Variants in CROCC observed in about 807,000 individuals in gnomAD.
The protein encoded by CROCC is ciliary rootlet coiled-coil, rootletin.
Under a neutral mutation model 245.2 loss-of-function variants are expected in CROCC, and 180 were observed. The ratio of observed to expected loss-of-function variants is 0.73; its 90% CI spans 0.65 to 0.83. The LOEUF (loss-of-function observed/expected upper bound fraction) is 0.83, where lower values mean the gene tolerates loss of function less well. CROCC is among the 40% of genes least tolerant of loss of function. The pLI is 0.00. For missense variants in CROCC, 2,688 were observed against 2,779.4 expected, an observed-to-expected ratio of 0.97 and a Z score of 0.74; for synonymous variants, 1,205 against 1,241.6, an observed-to-expected ratio of 0.97 and a Z score of 0.62.
chr1:16,933,548 C>T (rs1188707068), intron 8 of CROCC, among the ~76,000 whole-genome samples: 7 of 152,358 alleles, frequency 4.6e-5, no homozygotes, highest in East Asian at 3.9e-4. Flanking sequence ...ATTTACAAAA[C>T]GTAAATGTTT....
intron 13 of CROCC, among the ~76,000 whole-genome samples, chr1:16,943,299 A>G (rs1299282689): frequency 1.3e-5 from 2 of 152,046 alleles, no homozygotes; most frequent in East Asian, 3.9e-4. Context: ...GCACTTTGGG[A>G]GGCCGAGGCG....
Position 16,965,854 on chromosome 1 carries a change from G to A in CROCC, c.4537G>A (p.Glu1513Lys). 6.2e-7 allele frequency: 1 copy of A among 1,613,632 alleles called. No individual in the cohort carries two copies. The change falls in exon 28 of 37, where the codon GAA (glutamate) becomes AAA (lysine). Residue 1513 changes from glutamate to lysine, a missense_variant. By Grantham distance (56) the Glu-to-Lys change is moderately conservative. Coordinates refer to ENST00000375541, the MANE Select transcript of CROCC (RefSeq NM_014675.5). ...GGAGGCAGTGCGCGGGGCCCTCCGG[G>A]AATTCCTGCAAGAGCTGCGGAGTGC... is the stretch of plus-strand genomic sequence containing the variant. ...DPEAVRGALREFLQELRSAQR... is the reference protein window; with the variant it reads ...DPEAVRGALRKFLQELRSAQR...
chr1:16,927,133 C>T (rs1459010352), intron 3 of CROCC, among the ~76,000 whole-genome samples: 1 of 152,360 alleles, frequency 6.6e-6, no homozygotes, highest in South Asian at 2.1e-4. Flanking sequence ...ACAAAACATT[C>T]CACAAACAAC....
rs1267935406 is a variant in CROCC at position 16,940,220 on chromosome 1, GTTTA to G, written c.1808+143_1808+146del. 8.5e-5 allele frequency: 91 copies of G among 1,074,462 alleles called. No individual in the cohort carries two copies. The Middle Eastern group carries it at 9.0e-4, about 11-fold the overall frequency. The allele number at this position is 1,074,462 out of a possible 1,614,324, so 66.6% of individuals were successfully genotyped here. A position where few individuals can be genotyped will look rare whatever the true frequency, so the allele number is the denominator to read the frequency against. ...CCACTAGCTGCATGTGCCTATTAAC[GTTTA>G]TTTATTTATTTATTTTTAAAATGGA... On this transcript the variant is annotated intron_variant, in intron 13 of 36. Transcript: ENST00000375541.
rs750030366 is a variant in CROCC, at chr1:16,954,892, C to A, written c.3465+15C>A. The A allele has an allele frequency of 2.0e-6, 3 of 1,515,008 alleles. No homozygotes were observed. Among genetic ancestry groups the A allele is most frequent in the South Asian group, 1.2e-5 (1 of 81,206 alleles). The allele number at this position is 1,515,008 out of a possible 1,614,324, so 93.8% of individuals were successfully genotyped here. A position where few individuals can be genotyped will look rare whatever the true frequency, so the allele number is the denominator to read the frequency against. ...GTCTTCGCGAGGTGAGCAGCCGCCC[C>A]CCTCTTCCAAGCAGCATACCCTAAA... On this transcript the variant is annotated intron_variant, in intron 23 of 36. Transcript: ENST00000375541. This position sits in a 1 kb window ranked among gnomAD's most constrained non-coding sequence, Gnocchi z 4.4.
At chr1:16,919,945 G>A (rs1341947287), upstream of CROCC, among the ~76,000 whole-genome samples, 1 of 152,258 alleles carries the variant, frequency 6.6e-6, no homozygotes, top group Non-Finnish European at 1.5e-5. Context: ...AGGCTGGAGT[G>A]CTGTGGCACA....
chr1:16,949,021 A>T, intron 19 of CROCC, 95 bp downstream of exon 19: 2 of 1,504,456 alleles, frequency 1.3e-6, no homozygotes, highest in East Asian at 4.6e-5. Flanking sequence ...GGAGCACTGG[A>T]GTAGGAGTCT....
upstream of CROCC, among the ~76,000 whole-genome samples, chr1:16,921,555 C>T (rs1399970272): frequency 4.6e-5 from 7 of 152,284 alleles, no homozygotes; most frequent in African/African-American, 7.2e-5. Context: ...ATGTGACTCC[C>T]GTTCTGGGCC....
chr1:16,954,922 A>C lies in CROCC; in HGVS notation c.3465+45A>C. The C allele has an allele frequency of 6.8e-7, 1 of 1,473,814 alleles. No homozygotes were observed. The highest frequency in any genetic ancestry group is 1.4e-5 in the African/African-American group (1 of 71,012). The allele number at this position is 1,473,814 out of a possible 1,614,324, so 91.3% of individuals were successfully genotyped here. ...TTCCAAGCAGCATACCCTAAATGGC[A>C]CTGTGTGCCTGGGGGCCTAGTTCCC... On this transcript the variant is annotated intron_variant, in intron 23 of 36. Coordinates refer to ENST00000375541, the MANE Select transcript of CROCC (RefSeq NM_014675.5). This position sits in a 1 kb window ranked among gnomAD's most constrained non-coding sequence, Gnocchi z 4.4.
At position 16,971,532 on chromosome 1, in the gene CROCC, A is replaced by AGCT; in HGVS notation, c.5854_5856dup (p.Leu1952dup). 1 of 1,536,980 alleles carries AGCT rather than the reference A, an allele frequency of 6.5e-7. No homozygotes were observed. Among genetic ancestry groups the AGCT allele is most frequent in the Non-Finnish European group, 8.7e-7 (1 of 1,146,302 alleles). ...CTGGAGGTGGATGCGCAGCAGCAGCAGCTGGAGCTGCAGCAGGAGGTGGAG... is the reference window on the plus strand; with the variant it reads ...CTGGAGGTGGATGCGCAGCAGCAGCAGCTGCTGGAGCTGCAGCAGGAGGTGGAG... On this transcript the variant is annotated inframe_insertion, in exon 36 of 37. Coordinates refer to ENST00000375541, the MANE Select transcript of CROCC (RefSeq NM_014675.5).
chr1:16,914,788 A>C (rs2075285526), intron 1 of CROCC, among the ~76,000 whole-genome samples: 3 of 152,320 alleles, frequency 2.0e-5, no homozygotes, highest in Non-Finnish European at 4.4e-5. Flanking sequence ...AAGCCTGACG[A>C]CCATGCTGGG....
At position 16,955,517 on chromosome 1, in the gene CROCC, C is replaced by A; in HGVS notation, c.3671C>A (p.Ser1224Tyr). 6.4e-7 allele frequency: 1 copy of A among 1,570,452 alleles called. No homozygotes were observed. The highest frequency in any genetic ancestry group is 1.2e-5 in the South Asian group (1 of 84,834). ...ALRRSNEELRSAVKKAESERI... is the reference protein window; with the variant it reads ...ALRRSNEELRYAVKKAESERI... ...CGGCGTTCCAATGAGGAGCTTCGGT[C>A]TGCTGTGAAGAAGGCAGAGAGCGAG... Residue 1224 changes from serine to tyrosine, a missense_variant, in exon 24 of 37, where the codon TCT becomes TAT. Ser to Tyr is a moderately radical substitution (Grantham distance 144). Around this residue, in one of 9 missense-constraint regions of CROCC, gnomAD observed 1,218 missense variants for 1,286.3 expected, o/e 0.95. Coordinates refer to ENST00000375541, the MANE Select transcript of CROCC (RefSeq NM_014675.5).
Position 16,969,136 on chromosome 1 carries a change from G to C in CROCC, c.5097G>C (p.Lys1699Asn). The change falls in exon 32 of 37, where the codon AAG (lysine) becomes AAC (asparagine). Residue 1699 changes from lysine (K) to asparagine (N), a missense_variant. Around this residue, in one of 9 missense-constraint regions of CROCC, gnomAD observed 1,218 missense variants for 1,286.3 expected, o/e 0.95. Transcript: ENST00000375541. ...LQRQVADSEV[K>N]AGTLQLTVER... ...GCCAGGTGGCCGACAGCGAGGTGAA[G>C]GCAGGGACCCTGCAGCTGACCGTGG... 1.2e-6 allele frequency: 2 copies of C among 1,605,840 alleles called. No homozygotes were observed. Among genetic ancestry groups the C allele is most frequent in the Non-Finnish European group, 1.7e-6 (2 of 1,176,814 alleles).
intron 26 of CROCC, 98 bp from the exon 27 acceptor site, chr1:16,960,660 C>T: frequency 7.4e-7 from 1 of 1,343,468 alleles, no homozygotes; most frequent in Non-Finnish European, 9.5e-7. Flanking sequence ...TTGTACTGAC[C>T]ACACAGTCAG....
chr1:16,962,643 G>A (rs1172561219), intron 27 of CROCC, among the ~76,000 whole-genome samples: 2 of 150,508 alleles, frequency 1.3e-5, no homozygotes, highest in Non-Finnish European at 3.0e-5. Flanking sequence ...CAAAGTGCTG[G>A]GATTAAAGGC....
intron 3 of CROCC, among the ~76,000 whole-genome samples, chr1:16,926,757 A>G (rs1313324789): frequency 6.6e-6 from 1 of 152,268 alleles, no homozygotes; most frequent in African/African-American, 2.4e-5. Flanking sequence ...TCCAGAGGAC[A>G]GACCCCCTGG....
chr1:16,957,645 A>T (rs1337310361), intron 25 of CROCC, among the ~76,000 whole-genome samples: 1 of 152,014 alleles, frequency 6.6e-6, no homozygotes, highest in Non-Finnish European at 1.5e-5. Context: ...GGGTTTCACC[A>T]TGTGGGCCAG....
chr1:16,922,588 T>C (rs2100314102), intron 1 of CROCC, 75 bp from the exon 2 acceptor site: 2 of 1,517,862 alleles, frequency 1.3e-6, no homozygotes, highest in Non-Finnish European at 1.8e-6. Context: ...GGCAGTAGGA[T>C]TCTGTGGCTC....
At chr1:16,929,790 C>T in intron 3 of CROCC, 56 bp from the exon 4 acceptor site, 2 of 1,472,918 alleles carry the variant, frequency 1.4e-6, no homozygotes. Flanking sequence ...CCTACAGAAG[C>T]CTGAGCCTGC....
Sources: gnomAD v4.1 joint callset for allele counts (sites outside exome capture counted in the v4.1 genomes callset) on GRCh38, gnomAD v4.1.1 for gene constraint, gnomAD v4.1.1 regional missense constraint, Gnocchi (gnomAD v3.1) non-coding constraint, MANE v1.5 for transcripts, NCBI Gene and HGNC (gene_info 2026-07-23, HGNC 2026-07-21) for gene names.